RBFOX1: variants seen among roughly 807,000 people sequenced by gnomAD.
RBFOX1 encodes RNA binding fox-1 homolog 1, also known as RNA binding protein fox-1 homolog 1.
RBFOX1 carries 8 observed loss-of-function variants against 57.7 expected under a neutral mutation model. The ratio of observed to expected loss-of-function variants is 0.14; its 90% CI spans 0.08 to 0.25. The LOEUF (loss-of-function observed/expected upper bound fraction) is 0.25, where lower values mean the gene tolerates loss of function less well. Ranked by LOEUF, RBFOX1 falls within the 10% of genes least tolerant of loss-of-function variation. RBFOX1 has a pLI of 1.00. For missense variants in RBFOX1, 611 were observed against 548.5 expected (o/e 1.11, Z -1.14); for synonymous variants, 326 against 222.4 (o/e 1.47, Z -4.15).
chr16:7,309,520 G>A (rs896575193), intron 4 of RBFOX1, among the ~76,000 whole-genome samples: 2 of 152,110 alleles, frequency 1.3e-5, no homozygotes, highest in Admixed American at 6.5e-5. Context: ...GCCTTTGCCC[G>A]GCTGGAGAAA....
At chr16:6,534,202 G>A (rs1390338552) in intron 2 of RBFOX1, among the ~76,000 whole-genome samples, 1 of 152,120 alleles carries the variant, frequency 6.6e-6, no homozygotes, top group East Asian at 1.9e-4. Flanking sequence ...GTCACTCAAT[G>A]AAATGCTATC....
intron 3 of RBFOX1, among the ~76,000 whole-genome samples, chr16:7,049,421 C>T (rs1381291843): frequency 6.6e-6 from 1 of 151,784 alleles, no homozygotes; most frequent in Non-Finnish European, 1.5e-5. Context: ...CTGGAGACTG[C>T]AGCATAAGAG....
chr16:7,262,061 T>G (rs1368096196), intron 4 of RBFOX1, among the ~76,000 whole-genome samples: 1 of 152,236 alleles, frequency 6.6e-6, no homozygotes, highest in African/African-American at 2.4e-5. Context: ...TGTACCTTTT[T>G]GGAGGTTTCA....
chr16:6,913,832 C>T (rs1419336904), intron 3 of RBFOX1, among the ~76,000 whole-genome samples: 3 of 152,200 alleles, frequency 2.0e-5, no homozygotes, highest in Non-Finnish European at 2.9e-5. Flanking sequence ...CCCAGCCCTG[C>T]ATGTGGCGTA....
intron 4 of RBFOX1, among the ~76,000 whole-genome samples, chr16:7,179,534 G>C (rs997756548): frequency 3.3e-5 from 5 of 151,982 alleles, no homozygotes; most frequent in Admixed American, 6.6e-5. Context: ...TGTTAGACCT[G>C]TTAGGTGTTG....
rs1457824805 is a variant in RBFOX1, at chr16:6,934,598, A to G, written c.-15-117459A>G. Among the ~76,000 whole-genome samples the G allele has an allele frequency of 5.9e-5, 9 of 152,226 alleles. 1 individual carries two copies. Among genetic ancestry groups the G allele is most frequent in the Admixed American group, 5.9e-4 (9 of 15,286 alleles). On this transcript the variant is annotated intron_variant, in intron 3 of 15. Coordinates refer to ENST00000550418, the MANE Select transcript of RBFOX1 (RefSeq NM_018723.4). ...ACAAAGTCATGTCATTTGCAGCAGC[A>G]CAGATGGAACTGGAGGTCATTGTGT...
rs1454031853 is a variant in RBFOX1, at chr16:6,931,342, CACA to C, written c.-15-120714_-15-120712del. On this transcript the variant is annotated intron_variant, in intron 3 of 15. Transcript: ENST00000550418. ...CTATCTATCTATCTATCTATCTCTA[CACA>C]CACACACACACACACACATACATAC... 7.0e-4 allele frequency among the ~76,000 whole-genome samples: 77 copies of C among 110,320 alleles called. 1 individual carries two copies. Among genetic ancestry groups the C allele is most frequent in the East Asian group, 5.5e-3 (21 of 3,850 alleles). 72.4% of individuals were successfully genotyped at this position (110,320 alleles called of 152,430 possible).
At chr16:6,128,409 C>G (rs1178036869) in intron 1 of RBFOX1, among the ~76,000 whole-genome samples, 1 of 152,140 alleles carries the variant, frequency 6.6e-6, no homozygotes. Context: ...AATGAAATAC[C>G]TAAGGCTACT....
intron 1 of RBFOX1, among the ~76,000 whole-genome samples, chr16:5,445,996 T>G (rs1370215158): frequency 1.3e-5 from 2 of 152,234 alleles, no homozygotes; most frequent in African/African-American, 2.4e-5. Flanking sequence ...AAAAGACCCT[T>G]TAACAATCAC....
intron 2 of RBFOX1, among the ~76,000 whole-genome samples, chr16:6,641,788 C>A (rs965568582): frequency 7.0e-6 from 1 of 142,586 alleles, no homozygotes; most frequent in African/African-American, 2.6e-5. Context: ...ATAGGTTCTG[C>A]CCTGAGCCTT....
At chr16:7,494,057 G>T (rs1599902848) in intron 4 of RBFOX1, among the ~76,000 whole-genome samples, 1 of 152,152 alleles carries the variant, frequency 6.6e-6, no homozygotes, top group South Asian at 2.1e-4. Context: ...TTCTCCGAGA[G>T]TGGTTATGGA....
intron 1 of RBFOX1, among the ~76,000 whole-genome samples, chr16:6,151,241 A>G (rs1035773386): frequency 1.3e-5 from 2 of 152,104 alleles, no homozygotes; most frequent in Non-Finnish European, 2.9e-5. Context: ...ACCCCGCGAC[A>G]CCATTTGTTT....
chr16:6,943,936 T>C (rs1445655426), intron 3 of RBFOX1, among the ~76,000 whole-genome samples: 1 of 152,180 alleles, frequency 6.6e-6, no homozygotes, highest in Non-Finnish European at 1.5e-5. Flanking sequence ...GACATATCCC[T>C]GGAGTCTCTC....
chr16:7,418,029 A>G (rs1400365949), intron 4 of RBFOX1, among the ~76,000 whole-genome samples: 1 of 152,064 alleles, frequency 6.6e-6, no homozygotes, highest in Non-Finnish European at 1.5e-5. Context: ...GGTCCTCTAT[A>G]GATTTTCAGA....
At position 7,121,405 on chromosome 16, in the gene RBFOX1, A is replaced by T. The variant is rs979284454; in HGVS notation, c.27+69307A>T. The stretch of plus-strand genomic sequence containing the variant: ...CCTCTTAGGTGAAAACATAAATATC[A>T]ATCATATATCTATATACTAGGAAAG... On this transcript the variant is annotated intron_variant, in intron 4 of 15. Transcript: ENST00000550418. Among the ~76,000 whole-genome samples the T allele has an allele frequency of 2.0e-5, 3 of 152,184 alleles. No homozygotes were observed. In the East Asian group the frequency reaches 5.8e-4, roughly 29 times the overall value.
rs75056622 is a variant in RBFOX1, at chr16:6,409,637, T to C, written c.-64+92580T>C. The stretch of plus-strand genomic sequence containing the variant: ...TGAAACTTTTAAAAAGGAAAGAACC[T>C]GAATGAACAAAATAATATGGTCCCC... On this transcript the variant is annotated intron_variant, in intron 2 of 15. Coordinates refer to ENST00000550418, the MANE Select transcript of RBFOX1 (RefSeq NM_018723.4). Among the ~76,000 whole-genome samples the C allele has an allele frequency of 3.8e-3, 574 of 152,244 alleles. 3 individuals are homozygous for C. The highest frequency in any genetic ancestry group is 0.013 in the African/African-American group (537 of 41,542).
At position 6,019,124 on chromosome 16, in the gene RBFOX1, C is replaced by G; in HGVS notation, c.-995C>G. ...ACACACACATGCACACATTTTCTCG[C>G]GCTCTCTCCGGCTCTCCTTTGTTTA... is the stretch of plus-strand genomic sequence containing the variant. On this transcript the variant is annotated 5_prime_UTR_variant, in exon 1 of 16. Transcript: ENST00000550418. This position sits in a 1 kb window ranked among gnomAD's most constrained non-coding sequence, Gnocchi z 4.2. The G allele has an allele frequency of 1.0e-6, 1 of 985,040 alleles. No homozygotes were observed. The highest frequency in any genetic ancestry group is 1.2e-6 in the Non-Finnish European group (1 of 829,934). 61.0% of individuals were successfully genotyped at this position (985,040 alleles called of 1,614,324 possible). A position where few individuals can be genotyped will look rare whatever the true frequency, so the allele number is the denominator to read the frequency against.
At chr16:5,490,709 C>A (rs894432837) in intron 2 of RBFOX1, among the ~76,000 whole-genome samples, 1 of 152,198 alleles carries the variant, frequency 6.6e-6, no homozygotes, top group Non-Finnish European at 1.5e-5. Context: ...CAGGCGGATT[C>A]CCGTGGACCA....
At chr16:7,138,338 A>C (rs1269243024) in intron 4 of RBFOX1, among the ~76,000 whole-genome samples, 2 of 152,194 alleles carry the variant, frequency 1.3e-5, no homozygotes, top group Non-Finnish European at 2.9e-5. Context: ...CAAGGGTTTC[A>C]GTGTTAAACG....
Sources: gnomAD v4.1 joint callset for allele counts (sites outside exome capture counted in the v4.1 genomes callset) on GRCh38, gnomAD v4.1.1 for gene constraint, Gnocchi (gnomAD v3.1) non-coding constraint, MANE v1.5 for transcripts, NCBI Gene and HGNC (gene_info 2026-07-23, HGNC 2026-07-21) for gene names.